Variants in LDB2 observed in about 807,000 individuals in gnomAD.
LDB2 encodes LIM domain binding 2, also known as LIM domain-binding protein 2.
Under a neutral mutation model 44.3 loss-of-function variants are expected in LDB2, and 12 were observed. That is an observed-to-expected ratio of 0.27 (90% CI 0.17 to 0.44). The LOEUF is 0.44. Among genes scored for constraint, LDB2 ranks in the 20% least tolerant of loss-of-function variants. The pLI is 1.00. For missense variants in LDB2, 344 were observed against 473.5 expected, an observed-to-expected ratio of 0.73 and a Z score of 2.54; for synonymous variants, 164 against 174.8, an observed-to-expected ratio of 0.94 and a Z score of 0.49.
intron 2 of LDB2, among the ~76,000 whole-genome samples, chr4:16,677,669 T>G (rs1378014546): frequency 6.6e-6 from 1 of 152,232 alleles, no homozygotes; most frequent in Admixed American, 6.5e-5. Context: ...ATCAAATATC[T>G]TGTTCCATGT....
At chr4:16,578,232 C>T (rs892409346) in intron 5 of LDB2, among the ~76,000 whole-genome samples, 1 of 152,078 alleles carries the variant, frequency 6.6e-6, no homozygotes, top group Non-Finnish European at 1.5e-5. Flanking sequence ...AAACTTTCTG[C>T]ACAGCAAAGG....
At chr4:16,664,149 T>C (rs1742379192) in intron 2 of LDB2, among the ~76,000 whole-genome samples, 1 of 152,196 alleles carries the variant, frequency 6.6e-6, no homozygotes, top group African/African-American at 2.4e-5. Flanking sequence ...GTCTTTGGGA[T>C]GTGATTAAGT....
At chr4:16,590,844 A>G (rs940264554) in intron 3 of LDB2, among the ~76,000 whole-genome samples, 2 of 152,170 alleles carry the variant, frequency 1.3e-5, no homozygotes, top group African/African-American at 2.4e-5. Flanking sequence ...AGTTGAGCGC[A>G]TAGAAAAGGG....
chr4:16,863,574 G>T (rs903380331), intron 1 of LDB2, among the ~76,000 whole-genome samples: 2 of 151,030 alleles, frequency 1.3e-5, no homozygotes, highest in African/African-American at 4.9e-5. Flanking sequence ...CCAGGTGACT[G>T]AGTTTTATAC....
chr4:16,769,141 C>A (rs975310729), intron 1 of LDB2, among the ~76,000 whole-genome samples: 1 of 152,138 alleles, frequency 6.6e-6, no homozygotes, highest in African/African-American at 2.4e-5. Context: ...TTCCATCACA[C>A]CTATGGAATT....
chr4:16,658,624 A>G (rs1740588623), intron 2 of LDB2, among the ~76,000 whole-genome samples: 1 of 152,192 alleles, frequency 6.6e-6, no homozygotes, highest in Non-Finnish European at 1.5e-5. Context: ...TTAATTTAGA[A>G]TGTTCAAAAG....
At chr4:16,700,040 G>T (rs1021312284) in intron 2 of LDB2, among the ~76,000 whole-genome samples, 1 of 152,130 alleles carries the variant, frequency 6.6e-6, no homozygotes, top group East Asian at 1.9e-4. Context: ...TCGGATTTTG[G>T]AAGGTTTGTG....
At chr4:16,701,871 T>C (rs141207187) in intron 2 of LDB2, among the ~76,000 whole-genome samples, 17 of 152,356 alleles carry the variant, frequency 1.1e-4, no homozygotes, top group South Asian at 4.1e-4. Context: ...ACCAGATATA[T>C]AATGACCAGA....
At chr4:16,721,758 C>T (rs1758336656) in intron 2 of LDB2, among the ~76,000 whole-genome samples, 1 of 152,094 alleles carries the variant, frequency 6.6e-6, no homozygotes, top group South Asian at 2.1e-4. Context: ...TAAAACTACC[C>T]AGTTACTCTG....
intron 1 of LDB2, among the ~76,000 whole-genome samples, chr4:16,762,582 A>C (rs1476039641): frequency 9.2e-5 from 14 of 152,168 alleles, no homozygotes; most frequent in Non-Finnish European, 1.2e-4. Flanking sequence ...TCTCGTGAGA[A>C]CTAACGCACT....
chr4:16,585,060 A>G (rs143257521), intron 5 of LDB2, among the ~76,000 whole-genome samples: 13 of 152,296 alleles, frequency 8.5e-5, no homozygotes, highest in Admixed American at 3.9e-4. Flanking sequence ...CGATATGCCC[A>G]GCAGTACAGA....
At chr4:16,698,208 T>A (rs1752638365) in intron 2 of LDB2, among the ~76,000 whole-genome samples, 1 of 152,228 alleles carries the variant, frequency 6.6e-6, no homozygotes, top group Admixed American at 6.5e-5. Context: ...GTTTTTTATT[T>A]AATTACAAAC....
chr4:16,733,873 C>A (rs1579163426), intron 2 of LDB2, among the ~76,000 whole-genome samples: 1 of 152,264 alleles, frequency 6.6e-6, no homozygotes, highest in South Asian at 2.1e-4. Flanking sequence ...ACTATCATCA[C>A]ATATTGGCTT....
chr4:16,506,826 T>A (rs542784862), intron 7 of LDB2: 16 of 152,306 alleles, frequency 1.1e-4, no homozygotes, highest in African/African-American at 3.6e-4. Flanking sequence ...AAAACATCTG[T>A]TGAACTGATT....
chr4:16,517,781 T>C (rs1160075167), intron 5 of LDB2, among the ~76,000 whole-genome samples: 4 of 152,246 alleles, frequency 2.6e-5, no homozygotes, highest in South Asian at 2.1e-4. Context: ...TTGAGCTTGC[T>C]CTCCTATGCT....
chr4:16,782,122 TC>T (rs992185127), intron 1 of LDB2, among the ~76,000 whole-genome samples: 1 of 152,134 alleles, frequency 6.6e-6, no homozygotes, highest in Non-Finnish European at 1.5e-5. Context: ...TCCATACTAT[TC>T]CAAACCGCAG....
At chr4:16,574,208 A>C (rs1267838753) in intron 5 of LDB2, among the ~76,000 whole-genome samples, 1 of 152,230 alleles carries the variant, frequency 6.6e-6, no homozygotes, top group African/African-American at 2.4e-5. Context: ...CACTACTGTG[A>C]AATCTAAATG....
At chr4:16,510,954 C>T (rs775709584) in intron 6 of LDB2, among the ~76,000 whole-genome samples, 5 of 151,780 alleles carry the variant, frequency 3.3e-5, no homozygotes, top group Admixed American at 1.3e-4. Context: ...GTCTTATTAG[C>T]GTTAAAAGAA....
chr4:16,569,438 A>G (rs1745626891), intron 5 of LDB2, among the ~76,000 whole-genome samples: 1 of 152,172 alleles, frequency 6.6e-6, no homozygotes, highest in Non-Finnish European at 1.5e-5. Flanking sequence ...ATTGGCCAAG[A>G]ACAAATTTTA....
Sources: gnomAD v4.1 joint callset for allele counts (sites outside exome capture counted in the v4.1 genomes callset) on GRCh38, gnomAD v4.1.1 for gene constraint, MANE v1.5 for transcripts, NCBI Gene and HGNC (gene_info 2026-07-23, HGNC 2026-07-21) for gene names.